NALCN: variants seen among roughly 807,000 people sequenced by gnomAD.
The protein encoded by NALCN is sodium leak channel NALCN.
In NALCN, 111 loss-of-function variants were observed where a neutral mutation model predicts 225.3. The ratio of observed to expected loss-of-function variants is 0.49; its 90% CI spans 0.42 to 0.58. The LOEUF is 0.58. Ranked by LOEUF, NALCN falls within the 20% of genes least tolerant of loss-of-function variation. NALCN has a pLI of 0.00. For missense variants in NALCN, 1,378 were observed against 2,202.4 expected, an observed-to-expected ratio of 0.63 and a Z score of 7.49; for synonymous variants, 764 against 769.0, an observed-to-expected ratio of 0.99 and a Z score of 0.11.
intron 10 of NALCN, among the ~76,000 whole-genome samples, chr13:101,264,380 A>C (rs1013419965): frequency 6.6e-6 from 1 of 152,080 alleles, no homozygotes; most frequent in Non-Finnish European, 1.5e-5. Context: ...TTGATCCAAA[A>C]ATTACTTATC....
chr13:101,349,611 T>C (rs1202923758), intron 6 of NALCN, among the ~76,000 whole-genome samples: 2 of 147,340 alleles, frequency 1.4e-5, no homozygotes, highest in Non-Finnish European at 3.0e-5. Context: ...AAGGTGCTGG[T>C]TTGTCCATAT....
At position 101,055,094 on chromosome 13, in the gene NALCN, A is replaced by T. The variant is rs1325136959; in HGVS notation, c.*201T>A. 5 of 558,826 alleles carry T rather than the reference A, an allele frequency of 8.9e-6. No individual in the cohort carries two copies. The highest frequency in any genetic ancestry group is 3.8e-5 in the African/African-American group (2 of 53,068). The allele number at this position is 558,826 out of a possible 1,614,324, so 34.6% of individuals were successfully genotyped here. A position where few individuals can be genotyped will look rare whatever the true frequency, so the allele number is the denominator to read the frequency against. On this transcript the variant is annotated 3_prime_UTR_variant, in exon 44 of 44. Coordinates refer to ENST00000251127, the MANE Select transcript of NALCN (RefSeq NM_052867.4). ...TTATCAGTACTGTCATTATACAAAAATTTTTTTGAGCAATGATTGATAGTA... is the reference window on the plus strand; with the variant it reads ...TTATCAGTACTGTCATTATACAAAATTTTTTTTGAGCAATGATTGATAGTA...
chr13:101,069,369 G>A (rs1051411105), intron 37 of NALCN, among the ~76,000 whole-genome samples: 18 of 152,196 alleles, frequency 1.2e-4, no homozygotes, highest in African/African-American at 3.6e-4. Flanking sequence ...CTTATTAAGT[G>A]CACAATGGCA....
Position 101,155,423 on chromosome 13 carries a change from G to A in NALCN, c.1840-10527C>T, listed in dbSNP as rs559511832. On this transcript the variant is annotated intron_variant, in intron 15 of 43. Coordinates refer to ENST00000251127, the MANE Select transcript of NALCN (RefSeq NM_052867.4). ...TTAATGACTTTGATGGTTTCGAGGA[G>A]TATCAGTCAGGTAATTTGCAGAGTG... 1.1e-4 allele frequency among the ~76,000 whole-genome samples: 16 copies of A among 152,280 alleles called. No individual in the cohort carries two copies. The South Asian group carries it at 1.2e-3, about 12-fold the overall frequency.
chr13:101,092,460 T>C lies in NALCN; in HGVS notation c.3270-2494A>G, dbSNP rs1190174641. Among the ~76,000 whole-genome samples, 3 of 152,224 alleles carry C rather than the reference T, an allele frequency of 2.0e-5. No homozygotes were observed. In the East Asian group the frequency reaches 5.8e-4, roughly 29 times the overall value. Reference sequence around the variant, plus strand: ...CGCTTTTTGCCTTGAGCTTTGGGCATAGAGTTGCCTTAACTTGTAATACCA... The same window carrying C: ...CGCTTTTTGCCTTGAGCTTTGGGCACAGAGTTGCCTTAACTTGTAATACCA... On this transcript the variant is annotated intron_variant, in intron 28 of 43. Transcript: ENST00000251127.
intron 13 of NALCN, among the ~76,000 whole-genome samples, chr13:101,215,273 A>G (rs2040684636): frequency 6.6e-6 from 1 of 152,162 alleles, no homozygotes; most frequent in South Asian, 2.1e-4. Flanking sequence ...CCTAAAAAGA[A>G]TTATTTCACA....
At chr13:101,396,558 C>T (rs968313331) in intron 2 of NALCN, among the ~76,000 whole-genome samples, 2 of 152,060 alleles carry the variant, frequency 1.3e-5, no homozygotes, top group Non-Finnish European at 2.9e-5. Flanking sequence ...TAATATTTAT[C>T]TGACAGTTAT....
Position 101,104,209 on chromosome 13 carries a change from T to C in NALCN, c.2889+86A>G. On this transcript the variant is annotated intron_variant, in intron 25 of 43. Transcript: ENST00000251127. The surrounding 1 kb of genome is among the most constrained non-coding windows in gnomAD (Gnocchi z 4.2). ...GTTAGGGAATCTAAGCCTCTGTAAC[T>C]CATACCTCTTGCGCTTATACCAAGA... 5 of 1,491,156 alleles carry C rather than the reference T, an allele frequency of 3.4e-6. No individual in the cohort carries two copies. Among genetic ancestry groups the C allele is most frequent in the Non-Finnish European group, 4.5e-6 (5 of 1,112,844 alleles). The allele number at this position is 1,491,156 out of a possible 1,614,324, so 92.4% of individuals were successfully genotyped here. A position where few individuals can be genotyped will look rare whatever the true frequency, so the allele number is the denominator to read the frequency against.
chr13:101,125,343 T>C (rs1307739637), intron 17 of NALCN, among the ~76,000 whole-genome samples: 1 of 152,112 alleles, frequency 6.6e-6, no homozygotes, highest in Non-Finnish European at 1.5e-5. Flanking sequence ...TGGGCCACTA[T>C]GTTCTCATAA....
chr13:101,122,993 C>A (rs557768398), intron 18 of NALCN, among the ~76,000 whole-genome samples: 1 of 152,138 alleles, frequency 6.6e-6, no homozygotes, highest in Non-Finnish European at 1.5e-5. Context: ...GATTAATACA[C>A]GCCATAGTTT....
intron 13 of NALCN, among the ~76,000 whole-genome samples, chr13:101,222,774 T>A (rs2040992180): frequency 1.3e-5 from 2 of 152,172 alleles, no homozygotes; most frequent in Admixed American, 1.3e-4. Flanking sequence ...ATGCCTAAAT[T>A]TGGAGGGAGC....
intron 1 of NALCN, among the ~76,000 whole-genome samples, chr13:101,400,580 T>TGTGC (rs1447560398): frequency 0.12 from 16,771 of 135,636 alleles, 1,285 homozygotes; most frequent in Non-Finnish European, 0.17. Flanking sequence ...TGTGTGTGTG[T>TGTGC]GCACGTGTGT....
intron 12 of NALCN, among the ~76,000 whole-genome samples, chr13:101,235,499 T>C (rs1306243128): frequency 7.7e-6 from 1 of 130,382 alleles, no homozygotes; most frequent in African/African-American, 2.5e-5. Context: ...CTAAGGTAGG[T>C]ACTCAATGGC....
intron 2 of NALCN, among the ~76,000 whole-genome samples, chr13:101,397,584 GTA>G (rs2047350751): frequency 6.6e-6 from 1 of 150,832 alleles, no homozygotes; most frequent in Non-Finnish European, 1.5e-5. Context: ...ACATATATGT[GTA>G]TGTGTAATGT....
intron 6 of NALCN, among the ~76,000 whole-genome samples, chr13:101,345,771 T>TATA (rs56015893): frequency 8.5e-6 from 1 of 117,008 alleles, no homozygotes. Context: ...TATATATATA[T>TATA]TTAGAGAGGG....
intron 17 of NALCN, among the ~76,000 whole-genome samples, chr13:101,131,608 T>C (rs2036524682): frequency 6.6e-6 from 1 of 152,184 alleles, no homozygotes; most frequent in Non-Finnish European, 1.5e-5. Context: ...CTGGACTTTT[T>C]ATTTCAGAAT....
At position 101,256,119 on chromosome 13, in the gene NALCN, T is replaced by C. The variant is rs141450918; in HGVS notation, c.1266+2324A>G. Among the ~76,000 whole-genome samples the C allele has an allele frequency of 7.3e-3, 1,105 of 152,298 alleles. 10 individuals carry two copies. The highest frequency in any genetic ancestry group is 0.028 in the South Asian group (134 of 4,818). ...CATTTCTGCCTTGACTCCATCAATATGTTTAAGCCACCCACATTCACGTGA... is the reference window on the plus strand; with the variant it reads ...CATTTCTGCCTTGACTCCATCAATACGTTTAAGCCACCCACATTCACGTGA... On this transcript the variant is annotated intron_variant, in intron 11 of 43. Transcript: ENST00000251127.
At chr13:101,339,513 T>A (rs1461779211) in intron 7 of NALCN, among the ~76,000 whole-genome samples, 1 of 152,092 alleles carries the variant, frequency 6.6e-6, no homozygotes, top group Non-Finnish European at 1.5e-5. Flanking sequence ...ATAACTAGTA[T>A]CTCAGTTGTC....
chr13:101,173,832 T>A (rs894669268), intron 15 of NALCN, among the ~76,000 whole-genome samples: 1 of 152,186 alleles, frequency 6.6e-6, no homozygotes, highest in African/African-American at 2.4e-5. Context: ...GAAACAAATA[T>A]TTAGGGTACC....
Sources: gnomAD v4.1 joint callset for allele counts (sites outside exome capture counted in the v4.1 genomes callset) on GRCh38, gnomAD v4.1.1 for gene constraint, Gnocchi (gnomAD v3.1) non-coding constraint, MANE v1.5 for transcripts, NCBI Gene and HGNC (gene_info 2026-07-23, HGNC 2026-07-21) for gene names.